The following TLN2 variants were observed in gnomAD, a reference collection of about 807,000 sequenced individuals.
TLN2 encodes talin 2.
Under a neutral mutation model 294.7 loss-of-function variants are expected in TLN2, and 118 were observed. That is an observed-to-expected ratio of 0.40 (90% CI 0.34 to 0.47). The LOEUF (loss-of-function observed/expected upper bound fraction) is 0.47. Ranked by LOEUF, TLN2 falls within the 20% of genes least tolerant of loss-of-function variation. TLN2 has a pLI of 0.84. For missense variants in TLN2, 3,083 were observed against 3,282.2 expected (o/e 0.94, Z 1.48); for synonymous variants, 1,431 against 1,304.5 (o/e 1.10, Z -2.09).
intron 42 of TLN2, among the ~76,000 whole-genome samples, chr15:62,775,369 C>A (rs1184741507): frequency 6.6e-6 from 1 of 152,178 alleles, no homozygotes; most frequent in Non-Finnish European, 1.5e-5. Flanking sequence ...ACACTTCTAT[C>A]ATCAAAATAA....
intron 41 of TLN2, 98 bp downstream of exon 41, chr15:62,766,520 G>A (rs974382698): frequency 8.5e-6 from 10 of 1,176,258 alleles, no homozygotes; most frequent in Non-Finnish European, 9.7e-6. Context: ...AGCCTGTGGT[G>A]CAAGTATTGT....
intron 43 of TLN2, among the ~76,000 whole-genome samples, chr15:62,777,252 C>T (rs2063781214): frequency 6.6e-6 from 1 of 151,868 alleles, no homozygotes; most frequent in Non-Finnish European, 1.5e-5. Flanking sequence ...GTGATTCCCG[C>T]CCGGCCGGGC....
chr15:62,561,726 C>G (rs779929708), intron 1 of TLN2, among the ~76,000 whole-genome samples: 4 of 126,582 alleles, frequency 3.2e-5, no homozygotes, highest in Non-Finnish European at 6.6e-5. Flanking sequence ...CTGCTGCTGT[C>G]CTTGGTCTTC....
At chr15:62,808,613 A>G (rs1048117482) in intron 51 of TLN2, among the ~76,000 whole-genome samples, 1 of 152,070 alleles carries the variant, frequency 6.6e-6, no homozygotes, top group Non-Finnish European at 1.5e-5. Flanking sequence ...CCCACTCCCT[A>G]CACACGGGCT....
chr15:62,657,630 G>C (rs1567280772), intron 8 of TLN2, 141 bp from the exon 9 acceptor site: 3 of 1,291,588 alleles, frequency 2.3e-6, no homozygotes, highest in East Asian at 5.3e-5. Flanking sequence ...ATCATCCACT[G>C]TGTCCTGCAC....
At chr15:62,614,037 A>G (rs77454300) in intron 2 of TLN2, among the ~76,000 whole-genome samples, 164 of 152,338 alleles carry the variant, frequency 1.1e-3, no homozygotes, top group African/African-American at 3.8e-3. Context: ...GGCTGTGTTC[A>G]TCATCGTGAT....
chr15:62,444,615 C>T (rs62004750), intron 1 of TLN2, among the ~76,000 whole-genome samples: 322 of 152,312 alleles, frequency 2.1e-3, no homozygotes, highest in Non-Finnish European at 4.0e-3. Flanking sequence ...GGTTCTTCAC[C>T]GCACGGTCCT....
At chr15:62,519,636 T>G (rs926564143) in intron 1 of TLN2, among the ~76,000 whole-genome samples, 4 of 152,170 alleles carry the variant, frequency 2.6e-5, no homozygotes, top group Admixed American at 6.5e-5. Context: ...CAAAAGTGAT[T>G]GGTAAAGGAG....
intron 54 of TLN2, chr15:62,830,163 C>T (rs1051625146): frequency 3.3e-5 from 5 of 152,138 alleles, no homozygotes; most frequent in African/African-American, 1.2e-4. Flanking sequence ...GAATGAAACA[C>T]CCAGAAGCGA....
At chr15:62,760,421 A>G (rs1036128471) in intron 37 of TLN2, among the ~76,000 whole-genome samples, 1 of 152,000 alleles carries the variant, frequency 6.6e-6, no homozygotes, top group African/African-American at 2.4e-5. Flanking sequence ...TTGCTTGGTA[A>G]TGCCAGTGCC....
At chr15:62,576,038 C>T (rs937266368) in intron 1 of TLN2, among the ~76,000 whole-genome samples, 1 of 152,094 alleles carries the variant, frequency 6.6e-6, no homozygotes, top group Non-Finnish European at 1.5e-5. Flanking sequence ...GACTCTTGGT[C>T]TGCAGGGGTC....
intron 3 of TLN2, chr15:62,645,394 A>G (rs1242530477): frequency 6.6e-6 from 1 of 152,200 alleles, no homozygotes; most frequent in African/African-American, 2.4e-5. Flanking sequence ...ACCTTTCTCA[A>G]CTAAGGAATA....
intron 1 of TLN2, among the ~76,000 whole-genome samples, chr15:62,401,832 G>A (rs1003039020): frequency 3.9e-5 from 6 of 152,124 alleles, no homozygotes; most frequent in Non-Finnish European, 8.8e-5. Context: ...CCCTGCTTCA[G>A]CCATCGCTCA....
chr15:62,748,482 G>A (rs374132423), intron 33 of TLN2, 38 bp downstream of exon 33: 7 of 1,491,528 alleles, frequency 4.7e-6, no homozygotes, highest in African/African-American at 4.1e-5. Context: ...CTTGAGAGAG[G>A]GAGTGTCTGT....
intron 54 of TLN2, among the ~76,000 whole-genome samples, chr15:62,825,813 T>TAA (rs1555521956): frequency 1.6e-3 from 5 of 3,182 alleles, no homozygotes; most frequent in African/African-American, 3.1e-3. Context: ...ATATATTATA[T>TAA]TATAATATAT....
chr15:62,719,495 T>C (rs2059990837), intron 24 of TLN2, among the ~76,000 whole-genome samples: 1 of 152,206 alleles, frequency 6.6e-6, no homozygotes, highest in Non-Finnish European at 1.5e-5. Context: ...GAAATTCTTT[T>C]AGGCCTCATC....
chr15:62,680,995 T>C (rs2056780382), intron 11 of TLN2, among the ~76,000 whole-genome samples: 1 of 152,192 alleles, frequency 6.6e-6, no homozygotes, highest in African/African-American at 2.4e-5. Flanking sequence ...GTCACTTAGG[T>C]TGGGTCCACA....
chr15:62,460,685 A>G (rs2036751000), intron 1 of TLN2, among the ~76,000 whole-genome samples: 1 of 152,230 alleles, frequency 6.6e-6, no homozygotes, highest in African/African-American at 2.4e-5. Context: ...TAAGAAAAAT[A>G]AGAATTCCAT....
intron 30 of TLN2, 25 bp downstream of exon 30, chr15:62,738,358 G>C (rs1364039785): frequency 6.2e-7 from 1 of 1,612,372 alleles, no homozygotes; most frequent in Admixed American, 1.7e-5. Context: ...GATTGAGAAA[G>C]GACACTGGGG....
Sources: gnomAD v4.1 joint callset for allele counts (sites outside exome capture counted in the v4.1 genomes callset) on GRCh38, gnomAD v4.1.1 for gene constraint, MANE v1.5 for transcripts, NCBI Gene and HGNC (gene_info 2026-07-23, HGNC 2026-07-21) for gene names.